USP37: variants seen among roughly 807,000 people sequenced by gnomAD.
The protein encoded by USP37 is ubiquitin specific peptidase 37.
Under a neutral mutation model 124.0 loss-of-function variants are expected in USP37, and 27 were observed. The ratio of observed to expected loss-of-function variants is 0.22; its 90% CI spans 0.16 to 0.30. The LOEUF is 0.30. Ranked by LOEUF, USP37 falls within the 10% of genes least tolerant of loss-of-function variation. USP37 has a pLI of 1.00. For synonymous variants in USP37, 365 were observed against 388.0 expected (o/e 0.94, Z 0.70); for missense variants, 889 against 1,140.4 (o/e 0.78, Z 3.17).
rs111661944 is a variant in USP37 at position 218,498,384 on chromosome 2, T to C, written c.1026-227A>G. On this transcript the variant is annotated intron_variant, in intron 11 of 25. Transcript: ENST00000258399. The stretch of plus-strand genomic sequence containing the variant: ...ATTTCTAACAAGTTACTAGATCACG[T>C]TGATGCTGCTGGTCTGGGGACTCTA... The C allele has an allele frequency of 7.0e-3, 2,143 of 306,872 alleles. 53 individuals are homozygous for C. Among genetic ancestry groups the C allele is most frequent in the African/African-American group, 0.044 (1,998 of 45,364 alleles). The allele number at this position is 306,872 out of a possible 1,614,324, so 19.0% of individuals were successfully genotyped here.
chr2:218,558,237 C>T (rs1416298526), intron 4 of USP37, among the ~76,000 whole-genome samples: 1 of 152,146 alleles, frequency 6.6e-6, no homozygotes, highest in Non-Finnish European at 1.5e-5. Flanking sequence ...CTTAGATATA[C>T]AGTATCCGAA....
chr2:218,498,567 A>G (rs1021775337), intron 11 of USP37, among the ~76,000 whole-genome samples: 4 of 152,256 alleles, frequency 2.6e-5, no homozygotes, highest in African/African-American at 9.6e-5. Context: ...GTCTCTACTA[A>G]AAACACAAAA....
intron 16 of USP37, among the ~76,000 whole-genome samples, chr2:218,484,536 C>T (rs1574865447): frequency 2.6e-5 from 4 of 151,902 alleles, no homozygotes; most frequent in East Asian, 1.9e-4. Context: ...GCAGGAGAAT[C>T]GCTTGAACCC....
intron 10 of USP37, among the ~76,000 whole-genome samples, chr2:218,513,976 ATT>A (rs151266138): frequency 6.7e-6 from 1 of 149,958 alleles, no homozygotes; most frequent in African/African-American, 2.4e-5. Context: ...CGCCCTGCTA[ATT>A]TTTTTTTTAA....
chr2:218,529,692 G>A (rs1691203560), intron 10 of USP37, among the ~76,000 whole-genome samples: 1 of 151,848 alleles, frequency 6.6e-6, no homozygotes, highest in Non-Finnish European at 1.5e-5. Context: ...CATAATTATG[G>A]CTCATTGCAG....
At chr2:218,549,734 G>A (rs1378474448) in intron 6 of USP37, 75 bp downstream of exon 6, 8 of 1,421,190 alleles carry the variant, frequency 5.6e-6, no homozygotes, top group Non-Finnish European at 7.8e-6. Context: ...CAAGTGCTGG[G>A]ATTACAGGCG....
chr2:218,552,987 T>C (rs1022962662), intron 5 of USP37, among the ~76,000 whole-genome samples: 18 of 152,220 alleles, frequency 1.2e-4, no homozygotes, highest in Non-Finnish European at 2.2e-4. Context: ...TCTAATCATA[T>C]TGTTTTGTGG....
At chr2:218,461,223 T>A (rs1289303666) in intron 22 of USP37, among the ~76,000 whole-genome samples, 2 of 151,968 alleles carry the variant, frequency 1.3e-5, no homozygotes. Context: ...TATCTAAGAA[T>A]GAAGCCAGGC....
Position 218,495,896 on chromosome 2 carries a change from T to C in USP37, c.1336A>G (p.Lys446Glu). 6.2e-7 allele frequency: 1 copy of C among 1,613,700 alleles called. No homozygotes were observed. Among genetic ancestry groups the C allele is most frequent in the Non-Finnish European group, 8.5e-7 (1 of 1,179,984 alleles). The change falls in exon 14 of 26, where the codon AAA (lysine) becomes GAA (glutamate). Residue 446 changes from lysine (K) to glutamate (E), a missense_variant. Transcript: ENST00000258399. Reference sequence around the variant, plus strand: ...TCAGTCTTCCAAGTTTTATTTAATTTTTCCATATCTTCTTTCAGCTGGTCC... The same window carrying C: ...TCAGTCTTCCAAGTTTTATTTAATTCTTCCATATCTTCTTTCAGCTGGTCC... ...CLDQLKEDME[K>E]LNKTWKTEPV...
chr2:218,471,210 G>A (rs1427528999), intron 20 of USP37, among the ~76,000 whole-genome samples: 2 of 152,096 alleles, frequency 1.3e-5, no homozygotes, highest in African/African-American at 4.8e-5. Flanking sequence ...GGTTTTGTCA[G>A]GCTACTGCGA....
intron 10 of USP37, among the ~76,000 whole-genome samples, chr2:218,521,656 C>T (rs1352429731): frequency 6.6e-6 from 1 of 152,174 alleles, no homozygotes; most frequent in Non-Finnish European, 1.5e-5. Flanking sequence ...CATGTCCCTG[C>T]AAAGGACATG....
rs1027689742 is a variant in USP37, at chr2:218,497,762, G to A, written c.1253C>T (p.Ala418Val). ...KKVKNAISAT[A>V]ERFSGYMQND... ...CTGCATATAACCAGAGAATCTCTCT[G>A]CTGTAGCTGAAATGGCATTTTTAAC... The change falls in exon 13 of 26, where the codon GCA becomes GTA. Residue 418 changes from alanine to valine, a missense_variant. Ala to Val is a moderately conservative substitution (Grantham distance 64). Coordinates refer to ENST00000258399, the MANE Select transcript of USP37 (RefSeq NM_020935.3). 6.2e-7 allele frequency: 1 copy of A among 1,613,934 alleles called. No homozygotes were observed. The highest frequency in any genetic ancestry group is 1.3e-5 in the African/African-American group (1 of 74,906).
intron 11 of USP37, among the ~76,000 whole-genome samples, chr2:218,508,014 C>T (rs1010036759): frequency 1.7e-4 from 26 of 152,198 alleles, no homozygotes; most frequent in African/African-American, 5.3e-4. Flanking sequence ...CCCTTAGGCT[C>T]CCTTCCCTAA....
intron 10 of USP37, among the ~76,000 whole-genome samples, chr2:218,515,805 A>G (rs1020191501): frequency 2.0e-5 from 3 of 152,216 alleles, no homozygotes; most frequent in African/African-American, 7.2e-5. Flanking sequence ...CCATCTGACA[A>G]ACATCCAGAG....
intron 20 of USP37, 68 bp downstream of exon 20, chr2:218,474,562 T>G: frequency 6.3e-7 from 1 of 1,577,518 alleles, no homozygotes; most frequent in Non-Finnish European, 8.6e-7. Flanking sequence ...TTGGAGGTTA[T>G]TTGTCACTAC....
In USP37 at chr2:218,538,109, G is replaced by C. The variant is rs1691760490; in HGVS notation, c.681-3403C>G. On this transcript the variant is annotated intron_variant, in intron 8 of 25. Transcript: ENST00000258399. ...TTAGGGGCATTTCCTACATCAAGCT[G>C]AAACGAGGAATAAACCTGGGCCTGA... 1.3e-5 allele frequency among the ~76,000 whole-genome samples: 2 copies of C among 152,200 alleles called. 1 individual carries two copies. Among genetic ancestry groups the C allele is most frequent in the Admixed American group, 1.3e-4 (2 of 15,276 alleles).
rs1455851578 is a variant in USP37 at position 218,547,094 on chromosome 2, G to A, written c.430-3C>T. 1 of 1,587,572 alleles carries A rather than the reference G, an allele frequency of 6.3e-7. No individual in the cohort carries two copies. The stretch of plus-strand genomic sequence containing the variant: ...AAACTTCCTCTTTTTGCAGAAGCCT[G>A]TAAAAATAAAGTTTGAGATAGTTAA... On this transcript the variant is annotated splice_region_variant and splice_polypyrimidine_tract_variant and intron_variant, in intron 6 of 25. Transcript: ENST00000258399.
chr2:218,558,484 A>G lies in USP37; in HGVS notation c.156+14T>C, dbSNP rs200069559. 16 of 1,605,080 alleles carry G rather than the reference A, an allele frequency of 1.0e-5. No individual in the cohort carries two copies. The highest frequency in any genetic ancestry group is 6.8e-5 in the Admixed American group (4 of 59,092). ...CTGCTTCAAGAGCTATTCCAAATCAATATTTGGTATTACCTGAAATATCCT... is the reference window on the plus strand; with the variant it reads ...CTGCTTCAAGAGCTATTCCAAATCAGTATTTGGTATTACCTGAAATATCCT... On this transcript the variant is annotated intron_variant, in intron 4 of 25. Coordinates refer to ENST00000258399, the MANE Select transcript of USP37 (RefSeq NM_020935.3).
At chr2:218,491,108 A>C (rs1691917169) in intron 14 of USP37, among the ~76,000 whole-genome samples, 1 of 152,162 alleles carries the variant, frequency 6.6e-6, no homozygotes, top group Admixed American at 6.5e-5. Flanking sequence ...ACCTAGATTC[A>C]AGTGATCCTC....
Sources: gnomAD v4.1 joint callset for allele counts (sites outside exome capture counted in the v4.1 genomes callset) on GRCh38, gnomAD v4.1.1 for gene constraint, MANE v1.5 for transcripts, NCBI Gene and HGNC (gene_info 2026-07-23, HGNC 2026-07-21) for gene names.